The following CTNNA2 variants were observed in gnomAD, a reference collection of about 807,000 sequenced individuals.
CTNNA2 encodes catenin alpha 2, also known as catenin alpha-2.
In CTNNA2, 42 loss-of-function variants were observed where a neutral mutation model predicts 101.0. That is an observed-to-expected ratio of 0.42 (90% confidence interval 0.32 to 0.54). The LOEUF is 0.54. Among genes scored for constraint, CTNNA2 ranks in the 20% least tolerant of loss-of-function variants. CTNNA2 has a pLI of 0.14. For synonymous variants in CTNNA2, 450 were observed against 456.4 expected (o/e 0.99, Z 0.18); for missense variants, 871 against 1,223.1 (o/e 0.71, Z 4.29).
At chr2:79,245,396 G>T (rs905935679) in intron 2 of CTNNA2, among the ~76,000 whole-genome samples, 8 of 152,210 alleles carry the variant, frequency 5.3e-5, no homozygotes, top group Admixed American at 2.6e-4. Flanking sequence ...GTTGCAGTCA[G>T]CTGAGATCGT....
At chr2:80,186,045 T>C (rs755308418) in intron 7 of CTNNA2, among the ~76,000 whole-genome samples, 1 of 152,184 alleles carries the variant, frequency 6.6e-6, no homozygotes, top group African/African-American at 2.4e-5. Flanking sequence ...CTTTCTCCCT[T>C]TGTGGATGGC....
intron 2 of CTNNA2, among the ~76,000 whole-genome samples, chr2:79,659,690 T>G (rs1171490704): frequency 6.6e-6 from 1 of 152,186 alleles, no homozygotes; most frequent in Non-Finnish European, 1.5e-5. Flanking sequence ...TATTTCAGAT[T>G]ATGTGTCTTT....
At chr2:79,954,406 C>A (rs955105) in intron 7 of CTNNA2, among the ~76,000 whole-genome samples, 71,888 of 151,982 alleles carry the variant, frequency 0.47, 17,330 homozygotes, top group African/African-American at 0.56. Context: ...CTCTGGACTG[C>A]AGATCTCAAA....
intron 12 of CTNNA2, among the ~76,000 whole-genome samples, chr2:80,557,945 C>A (rs17019320): frequency 0.028 from 4,279 of 152,048 alleles, 115 homozygotes; most frequent in South Asian, 0.1. Context: ...AATTTTTATC[C>A]TGGCTTGCAA....
chr2:80,434,427 G>A (rs560901630), intron 9 of CTNNA2, among the ~76,000 whole-genome samples: 2 of 151,478 alleles, frequency 1.3e-5, no homozygotes, highest in South Asian at 4.2e-4. Flanking sequence ...GACTTCGAAG[G>A]AGCTGATGAT....
Position 80,303,919 on chromosome 2 carries a change from G to A in CTNNA2, c.1057-89292G>A, listed in dbSNP as rs1676639260. On this transcript the variant is annotated intron_variant, in intron 7 of 18. Transcript: ENST00000402739. The surrounding 1 kb of genome is among the most constrained non-coding windows in gnomAD (Gnocchi z 7.7). Reference sequence around the variant, plus strand: ...TTCCGAGGGAGGGGAAGCGGGGGAGGGGGAGAAAAGGGCAAAAAATCAAAT... The same window carrying A: ...TTCCGAGGGAGGGGAAGCGGGGGAGAGGGAGAAAAGGGCAAAAAATCAAAT... 4 of 1,351,482 alleles carry A rather than the reference G, an allele frequency of 3.0e-6. No individual in the cohort carries two copies. The Admixed American group carries it at 8.6e-5, about 29-fold the overall frequency. The allele number at this position is 1,351,482 out of a possible 1,614,324, so 83.7% of individuals were successfully genotyped here.
chr2:79,826,842 G>A (rs1254930674), intron 3 of CTNNA2, among the ~76,000 whole-genome samples: 1 of 152,154 alleles, frequency 6.6e-6, no homozygotes, highest in Non-Finnish European at 1.5e-5. Flanking sequence ...TGGGCTTAAA[G>A]AGTGGTATAA....
chr2:80,529,936 C>G (rs549569183), intron 9 of CTNNA2, among the ~76,000 whole-genome samples: 1 of 152,222 alleles, frequency 6.6e-6, no homozygotes, highest in East Asian at 1.9e-4. Context: ...GCTTGGCCTG[C>G]TCCTACGGGT....
rs1589618 is a variant in CTNNA2, at chr2:79,234,962, A to T, written c.-406+36886A>T. Among the ~76,000 whole-genome samples, 83 of 152,226 alleles carry T rather than the reference A, an allele frequency of 5.5e-4. 1 individual carries two copies. Among genetic ancestry groups the T allele is most frequent in the African/African-American group, 1.9e-3 (80 of 41,544 alleles). On this transcript the variant is annotated intron_variant, in intron 2 of 21. Coordinates refer to the CTNNA2 transcript ENST00000466387. ...TACTGGATTCCTTGGATTGGGTTTCAACTTTCTCCTTGATCCCATTGAGCT... is the reference window on the plus strand; with the variant it reads ...TACTGGATTCCTTGGATTGGGTTTCTACTTTCTCCTTGATCCCATTGAGCT...
chr2:80,624,975 G>A (rs780351617), intron 18 of CTNNA2, among the ~76,000 whole-genome samples: 4 of 151,894 alleles, frequency 2.6e-5, no homozygotes, highest in African/African-American at 9.7e-5. Context: ...ACAACCTTGG[G>A]TGGTTCTAAA....
Position 79,997,615 on chromosome 2 carries a change from A to G in CTNNA2, c.1056+87818A>G, listed in dbSNP as rs145615232. ...TTTCCCCCAACTTTGTGTGTTCTCA[A>G]TTTCCCTCTCTGCGTATACAACTCT... On this transcript the variant is annotated intron_variant, in intron 7 of 18. Transcript: ENST00000402739. Among the ~76,000 whole-genome samples, 346 of 152,054 alleles carry G rather than the reference A, an allele frequency of 2.3e-3. 8 individuals are homozygous for G. The East Asian group carries it at 0.045, about 20-fold the overall frequency.
intron 1 of CTNNA2, among the ~76,000 whole-genome samples, chr2:79,563,896 G>T (rs1674947721): frequency 6.6e-6 from 1 of 152,122 alleles, no homozygotes; most frequent in South Asian, 2.1e-4. Flanking sequence ...GTATGTTAAT[G>T]GTCCCAGGTT....
chr2:80,111,576 G>A (rs993992), intron 7 of CTNNA2, among the ~76,000 whole-genome samples: 76,198 of 152,022 alleles, frequency 0.5, 21,314 homozygotes, highest in African/African-American at 0.72. Context: ...TCTAGCTTCT[G>A]TTGCCCAGGC....
intron 7 of CTNNA2, among the ~76,000 whole-genome samples, chr2:80,095,879 T>A (rs1365062933): frequency 1.3e-5 from 2 of 152,158 alleles, no homozygotes; most frequent in Non-Finnish European, 2.9e-5. Context: ...TTGCGTCAAT[T>A]TGATTCTTCT....
At chr2:79,530,946 C>T (rs1232821745) in intron 1 of CTNNA2, among the ~76,000 whole-genome samples, 1 of 151,872 alleles carries the variant, frequency 6.6e-6, no homozygotes, top group African/African-American at 2.4e-5. Context: ...AGAATTTTAA[C>T]ACTTTTTAAA....
At chr2:79,554,703 T>C (rs1674334944) in intron 1 of CTNNA2, among the ~76,000 whole-genome samples, 1 of 152,120 alleles carries the variant, frequency 6.6e-6, no homozygotes, top group Non-Finnish European at 1.5e-5. Flanking sequence ...ATACCCAACA[T>C]CAAATTGTGC....
intron 7 of CTNNA2, among the ~76,000 whole-genome samples, chr2:80,278,088 T>C (rs1257942516): frequency 6.6e-6 from 1 of 152,136 alleles, no homozygotes; most frequent in Non-Finnish European, 1.5e-5. Context: ...TATACATTAA[T>C]TAACCACTTT....
At chr2:80,595,383 C>T (rs537452607) in intron 15 of CTNNA2, among the ~76,000 whole-genome samples, 2 of 152,154 alleles carry the variant, frequency 1.3e-5, no homozygotes, top group East Asian at 1.9e-4. Flanking sequence ...GAATCTTAAG[C>T]ATTTTCTACA....
chr2:80,192,651 C>A (rs151114536), intron 7 of CTNNA2, among the ~76,000 whole-genome samples: 1 of 152,094 alleles, frequency 6.6e-6, no homozygotes, highest in Non-Finnish European at 1.5e-5. Flanking sequence ...CTCAGCCTCC[C>A]GAGTAGCTAG....
Sources: allele counts gnomAD v4.1 joint callset (sites outside exome capture counted in the v4.1 genomes callset), GRCh38; gene constraint gnomAD v4.1.1; non-coding constraint Gnocchi (gnomAD v3.1); transcripts MANE v1.5; gene names NCBI Gene and HGNC (gene_info 2026-07-23, HGNC 2026-07-21).